AGBL4: variants seen among roughly 807,000 people sequenced by gnomAD.
AGBL4 encodes the protein AGBL carboxypeptidase 4, also known as cytosolic carboxypeptidase 6.
AGBL4 carries 58 observed loss-of-function variants against 66.4 expected under a neutral mutation model. The observed-to-expected ratio is 0.87, with a 90% CI of 0.71 to 1.09. AGBL4 has a LOEUF of 1.09. Ranked by LOEUF, AGBL4 falls within the 50% of genes least tolerant of loss-of-function variation. AGBL4 has a pLI of 0.00. For synonymous variants in AGBL4, 234 were observed against 222.9 expected, an observed-to-expected ratio of 1.05 and a Z score of -0.44; for missense variants, 579 against 631.0, an observed-to-expected ratio of 0.92 and a Z score of 0.88.
At chr1:49,628,708 C>T (rs1292569638) in intron 3 of AGBL4, among the ~76,000 whole-genome samples, 2 of 152,154 alleles carry the variant, frequency 1.3e-5, no homozygotes, top group East Asian at 3.9e-4. Context: ...TTCCAGATGT[C>T]TTTGGACTAT....
At chr1:48,617,883 TA>T (rs952256683) in intron 9 of AGBL4, among the ~76,000 whole-genome samples, 1 of 152,242 alleles carries the variant, frequency 6.6e-6, no homozygotes, top group South Asian at 2.1e-4. Context: ...GGTGCTTTTT[TA>T]AAAAGGTAAA....
intron 4 of AGBL4, among the ~76,000 whole-genome samples, chr1:49,106,951 A>G (rs1645304100): frequency 6.6e-6 from 1 of 152,242 alleles, no homozygotes; most frequent in Admixed American, 6.5e-5. Context: ...TTGGAAAAAT[A>G]CTATGATAAG....
intron 5 of AGBL4, among the ~76,000 whole-genome samples, chr1:48,916,435 T>A (rs549595894): frequency 4.6e-5 from 7 of 152,308 alleles, no homozygotes; most frequent in Non-Finnish European, 1.0e-4. Context: ...TCAGGCCCTG[T>A]GCTTACTCCA....
chr1:49,953,435 T>G (rs935697882), intron 1 of AGBL4, among the ~76,000 whole-genome samples: 1 of 151,934 alleles, frequency 6.6e-6, no homozygotes, highest in African/African-American at 2.4e-5. Context: ...TTTATGCTAT[T>G]TTACTGCAAA....
intron 5 of AGBL4, among the ~76,000 whole-genome samples, chr1:48,984,104 G>A (rs979594654): frequency 2.0e-5 from 3 of 152,024 alleles, no homozygotes; most frequent in Non-Finnish European, 4.4e-5. Context: ...ATATGATATT[G>A]CTAAAATGAG....
At chr1:48,669,143 G>C (rs1046533361) in intron 6 of AGBL4, among the ~76,000 whole-genome samples, 2 of 152,204 alleles carry the variant, frequency 1.3e-5, no homozygotes, top group Admixed American at 6.5e-5. Context: ...AGGTTCCACA[G>C]AGTATTGACT....
intron 3 of AGBL4, among the ~76,000 whole-genome samples, chr1:49,584,236 A>G (rs764116921): frequency 6.6e-6 from 1 of 152,210 alleles, no homozygotes; most frequent in African/African-American, 2.4e-5. Flanking sequence ...TTAAATAAGA[A>G]CAATGTGTCT....
At chr1:49,581,068 C>T (rs918116642) in intron 3 of AGBL4, among the ~76,000 whole-genome samples, 18 of 151,964 alleles carry the variant, frequency 1.2e-4, no homozygotes, top group Admixed American at 1.3e-4. Context: ...TTTTGCCTGA[C>T]GGAATTATCT....
chr1:49,237,099 C>CAA (rs556190642), intron 4 of AGBL4, among the ~76,000 whole-genome samples: 31 of 134,602 alleles, frequency 2.3e-4, no homozygotes, highest in Non-Finnish European at 4.7e-4. Context: ...ACTAAAAATA[C>CAA]AAAAAAAAAA....
chr1:49,153,379 A>C (rs1297777553), intron 4 of AGBL4, among the ~76,000 whole-genome samples: 1 of 152,188 alleles, frequency 6.6e-6, no homozygotes, highest in South Asian at 2.1e-4. Context: ...CACGGCACTC[A>C]GGCAAATATT....
chr1:49,951,412 C>T (rs1353463761), intron 1 of AGBL4, among the ~76,000 whole-genome samples: 1 of 151,848 alleles, frequency 6.6e-6, no homozygotes, highest in Non-Finnish European at 1.5e-5. Context: ...AAAAAAGACT[C>T]TGCAAAAAAA....
chr1:48,676,622 C>T (rs934100315), intron 6 of AGBL4, among the ~76,000 whole-genome samples: 34 of 152,212 alleles, frequency 2.2e-4, no homozygotes, highest in Non-Finnish European at 4.6e-4. Context: ...GTCAGGTGCT[C>T]TGCGTCTGCA....
chr1:49,133,778 T>C (rs1487355270), intron 4 of AGBL4, among the ~76,000 whole-genome samples: 2 of 152,098 alleles, frequency 1.3e-5, no homozygotes, highest in African/African-American at 4.8e-5. Flanking sequence ...TGCAAAAATA[T>C]TTGTTGCTGA....
intron 3 of AGBL4, among the ~76,000 whole-genome samples, chr1:49,256,499 C>A (rs1046665949): frequency 6.6e-6 from 1 of 151,958 alleles, no homozygotes; most frequent in South Asian, 2.1e-4. Flanking sequence ...GACTTCAAAA[C>A]GCAAAACTAT....
intron 5 of AGBL4, among the ~76,000 whole-genome samples, chr1:48,976,415 C>T (rs569448192): frequency 1.3e-5 from 2 of 152,232 alleles, no homozygotes; most frequent in African/African-American, 4.8e-5. Flanking sequence ...CACTTGGTGG[C>T]AGAATGATTA....
chr1:49,420,544 C>CA (rs1464119345), intron 3 of AGBL4, among the ~76,000 whole-genome samples: 38 of 151,886 alleles, frequency 2.5e-4, no homozygotes, highest in South Asian at 8.3e-4. Flanking sequence ...ACTAAAAATA[C>CA]AAAAAAATTA....
intron 6 of AGBL4, among the ~76,000 whole-genome samples, chr1:48,863,360 T>C (rs1647672261): frequency 6.6e-6 from 1 of 152,076 alleles, no homozygotes; most frequent in South Asian, 2.1e-4. Context: ...AAGTGAATGA[T>C]AAACAGAAAA....
intron 3 of AGBL4, among the ~76,000 whole-genome samples, chr1:49,657,793 C>T (rs1646176016): frequency 6.6e-6 from 1 of 152,138 alleles, no homozygotes; most frequent in African/African-American, 2.4e-5. Context: ...GCTGGGAAAA[C>T]TGGCTAGCCA....
chr1:49,348,231 A>C (rs1193245194), intron 3 of AGBL4, among the ~76,000 whole-genome samples: 1 of 152,050 alleles, frequency 6.6e-6, no homozygotes, highest in African/African-American at 2.4e-5. Flanking sequence ...ATCCTGGTTA[A>C]CACGGTGAAC....
Sources: gnomAD v4.1 joint callset for allele counts (sites outside exome capture counted in the v4.1 genomes callset) on GRCh38, gnomAD v4.1.1 for gene constraint, MANE v1.5 for transcripts, NCBI Gene and HGNC (gene_info 2026-07-23, HGNC 2026-07-21) for gene names.